AVEN: variants seen among roughly 807,000 people sequenced by gnomAD.
AVEN encodes the protein apoptosis and caspase activation inhibitor, also known as cell death regulator Aven.
In AVEN, 41 loss-of-function variants were observed where a neutral mutation model predicts 38.1. The observed-to-expected ratio is 1.08, with a 90% CI of 0.84 to 1.40. AVEN has a LOEUF of 1.40. Ranked by LOEUF, AVEN falls within the 40% of genes most tolerant of loss-of-function variation. The pLI, the probability that AVEN is intolerant of heterozygous loss-of-function variation, is 0.00. For missense variants in AVEN, 605 were observed against 438.8 expected (o/e 1.38, Z -3.38); for synonymous variants, 206 against 171.8 (o/e 1.20, Z -1.56).
intron 2 of AVEN, among the ~76,000 whole-genome samples, chr15:33,997,680 C>T (rs2140601148): frequency 6.6e-6 from 1 of 152,062 alleles, no homozygotes; most frequent in East Asian, 1.9e-4. Context: ...TTTACTGCCC[C>T]TCATCTTCTC....
In AVEN at chr15:34,063,713, C is replaced by T. The variant is rs781591930; in HGVS notation, n.1127-281G>A. ...TCTACAAGAGTCAGGGTAAGGAAAG[C>T]CCAGGGGAAGAATTCAGTGCTGAAG... On this transcript the variant is annotated intron_variant and non_coding_transcript_variant, in intron 4 of 11. Transcript: ENST00000675287. This position sits in a 1 kb window ranked among gnomAD's most constrained non-coding sequence, Gnocchi z 4.1. 2.4e-5 allele frequency: 38 copies of T among 1,614,170 alleles called. No individual in the cohort carries two copies. In the East Asian group the frequency reaches 8.2e-4, roughly 35 times the overall value.
chr15:34,065,513 A>C (rs1287420937), intron 4 of AVEN: 3 of 152,206 alleles, frequency 2.0e-5, no homozygotes, highest in Admixed American at 2.0e-4. Context: ...GGGCCTAAAA[A>C]TGACTTCTTT....
chr15:33,954,032 C>A (rs1239416889), intron 2 of AVEN, among the ~76,000 whole-genome samples: 1 of 152,294 alleles, frequency 6.6e-6, no homozygotes, highest in African/African-American at 2.4e-5. Flanking sequence ...ATTTATGCAG[C>A]CAACAGACAC....
intron 2 of AVEN, among the ~76,000 whole-genome samples, chr15:33,936,458 TAAC>T (rs1894062776): frequency 1.3e-5 from 2 of 152,106 alleles, no homozygotes; most frequent in Admixed American, 1.3e-4. Context: ...ATGGAAACAA[TAAC>T]AACATATTAT....
rs746508061 is a variant in AVEN, at chr15:33,866,734, G to A, written c.974-6C>T. 4 of 1,600,676 alleles carry A rather than the reference G, an allele frequency of 2.5e-6. No individual in the cohort carries two copies. Among genetic ancestry groups the A allele is most frequent in the Non-Finnish European group, 3.4e-6 (4 of 1,170,398 alleles). ...CACAGATGGTTTTGCACAAACTGGG[G>A]GAAAAAAAACAATGTTAACACCCTC... On this transcript the variant is annotated splice_region_variant and splice_polypyrimidine_tract_variant and intron_variant, in intron 5 of 5. Coordinates refer to ENST00000306730, the MANE Select transcript of AVEN (RefSeq NM_020371.3).
chr15:33,860,090 G>A (rs1392284853), intron 11 of AVEN, among the ~76,000 whole-genome samples: 5 of 151,700 alleles, frequency 3.3e-5, no homozygotes, highest in Admixed American at 2.0e-4. Context: ...GCTGGACAGT[G>A]CAGGGGAGGG....
downstream of AVEN, chr15:33,864,329 C>T: frequency 1.5e-6 from 1 of 645,194 alleles, no homozygotes; most frequent in Non-Finnish European, 2.6e-6. Flanking sequence ...TTTTGTGACT[C>T]AATAAGAAGC....
intron 1 of AVEN, among the ~76,000 whole-genome samples, chr15:34,006,037 C>T (rs540664756): frequency 6.6e-6 from 1 of 152,304 alleles, no homozygotes; most frequent in East Asian, 1.9e-4. Flanking sequence ...CTTGGCCAGG[C>T]ACGGTGGCTC....
chr15:33,967,985 T>C (rs1400713908), intron 2 of AVEN, among the ~76,000 whole-genome samples: 4 of 149,016 alleles, frequency 2.7e-5, no homozygotes, highest in Non-Finnish European at 5.9e-5. Context: ...TATTTAAAAC[T>C]CACAGTATAC....
chr15:33,955,472 G>T (rs1266683201), intron 2 of AVEN, among the ~76,000 whole-genome samples: 1 of 152,136 alleles, frequency 6.6e-6, no homozygotes, highest in Non-Finnish European at 1.5e-5. Context: ...AAACTATAAT[G>T]TACCACACAG....
At chr15:33,878,282 A>C (rs1436213001) in intron 2 of AVEN, among the ~76,000 whole-genome samples, 1 of 152,172 alleles carries the variant, frequency 6.6e-6, no homozygotes, top group African/African-American at 2.4e-5. Flanking sequence ...AAATGTATTC[A>C]AAAGTCTCAA....
chr15:33,913,556 C>A (rs1892998840), intron 2 of AVEN, among the ~76,000 whole-genome samples: 1 of 152,160 alleles, frequency 6.6e-6, no homozygotes, highest in Non-Finnish European at 1.5e-5. Flanking sequence ...GGGTGACTAG[C>A]ATCCGGGCTG....
intron 2 of AVEN, among the ~76,000 whole-genome samples, chr15:33,962,362 C>A (rs116577042): frequency 5.9e-5 from 9 of 152,276 alleles, no homozygotes; most frequent in African/African-American, 2.2e-4. Flanking sequence ...TGTTCCTCAT[C>A]CAGCTTCCCC....
At position 33,890,614 on chromosome 15, in the gene AVEN, TAACTC is replaced by T. The variant is rs375981347; in HGVS notation, c.446-14624_446-14620del. Among the ~76,000 whole-genome samples the T allele has an allele frequency of 3.9e-4, 59 of 152,054 alleles. No individual in the cohort carries two copies. The East Asian group carries it at 9.3e-3, about 24-fold the overall frequency. On this transcript the variant is annotated intron_variant, in intron 2 of 5. Coordinates refer to ENST00000306730, the MANE Select transcript of AVEN (RefSeq NM_020371.3). ...AACCAGAAATTTCTAGTAAATCAAATAACTCAAATAAGAACAAGTGGGAAGGAGAA... is the reference window on the plus strand; with the variant it reads ...AACCAGAAATTTCTAGTAAATCAAATAAATAAGAACAAGTGGGAAGGAGAA...
At chr15:33,989,622 G>C (rs945511926) in intron 2 of AVEN, among the ~76,000 whole-genome samples, 13 of 151,910 alleles carry the variant, frequency 8.6e-5, no homozygotes, top group African/African-American at 3.1e-4. Context: ...CCTTTTCATA[G>C]TCTCTGAATT....
At chr15:33,967,997 C>T (rs1895457276) in intron 2 of AVEN, among the ~76,000 whole-genome samples, 2 of 146,284 alleles carry the variant, frequency 1.4e-5, no homozygotes, top group African/African-American at 5.0e-5. Flanking sequence ...ACAGTATACT[C>T]TTTCTATCTC....
At chr15:33,974,024 A>G (rs890779800) in intron 2 of AVEN, among the ~76,000 whole-genome samples, 1 of 152,184 alleles carries the variant, frequency 6.6e-6, no homozygotes, top group Non-Finnish European at 1.5e-5. Flanking sequence ...CTATAAGGAG[A>G]TAATATCTGT....
intron 2 of AVEN, among the ~76,000 whole-genome samples, chr15:33,922,561 A>G (rs576472830): frequency 1.3e-5 from 2 of 152,058 alleles, no homozygotes; most frequent in Non-Finnish European, 2.9e-5. Flanking sequence ...CAGCCTCCTG[A>G]GCAGCTGGGA....
At chr15:33,877,378 A>C (rs972905426) in intron 2 of AVEN, among the ~76,000 whole-genome samples, 1 of 152,258 alleles carries the variant, frequency 6.6e-6, no homozygotes, top group African/African-American at 2.4e-5. Flanking sequence ...AGCAGGGGAC[A>C]ACAGCATGAT....
Sources: gnomAD v4.1 joint callset for allele counts (sites outside exome capture counted in the v4.1 genomes callset) on GRCh38, gnomAD v4.1.1 for gene constraint, Gnocchi (gnomAD v3.1) non-coding constraint, MANE v1.5 for transcripts, NCBI Gene and HGNC (gene_info 2026-07-23, HGNC 2026-07-21) for gene names.